Variants in RSBN1L observed in about 807,000 individuals in gnomAD.
RSBN1L encodes the protein round spermatid basic protein 1 like, also known as lysine-specific demethylase RSBN1L.
A neutral mutation model predicts 67.7 loss-of-function variants in RSBN1L; 30 were observed. That is an observed-to-expected ratio of 0.44 (90% confidence interval 0.33 to 0.60). RSBN1L has a LOEUF of 0.60. RSBN1L is among the 20% of genes least tolerant of loss of function. The pLI, the probability that RSBN1L is intolerant of heterozygous loss-of-function variation, is 0.02. For synonymous variants in RSBN1L, 433 were observed against 387.0 expected, an observed-to-expected ratio of 1.12 and a Z score of -1.39; for missense variants, 992 against 1,031.7, an observed-to-expected ratio of 0.96 and a Z score of 0.53.
chr7:77,739,595 C>T (rs1238999760), intron 2 of RSBN1L, among the ~76,000 whole-genome samples: 2 of 149,422 alleles, frequency 1.3e-5, no homozygotes, highest in Non-Finnish European at 3.0e-5. Flanking sequence ...CGTCTGTAAT[C>T]CCAGCTACTC....
At position 77,765,619 on chromosome 7, in the gene RSBN1L, C is replaced by A; in HGVS notation, c.1469C>A (p.Ser490Ter). ...FPEFLDMLEE[S>*]PFLKCTLPWG... Reference sequence around the variant, plus strand: ...GAGTTCCTTGACATGTTGGAAGAGTCACCATTTTTAAAAGTAAGAGACAAT... The same window carrying A: ...GAGTTCCTTGACATGTTGGAAGAGTAACCATTTTTAAAAGTAAGAGACAAT... The change falls in exon 4 of 8, where the codon TCA (serine) becomes TAA (stop). Residue 490 changes from serine (S) to a stop codon, truncating the protein, a stop_gained. Coordinates refer to ENST00000334955, the MANE Select transcript of RSBN1L (RefSeq NM_198467.3). LOFTEE classifies it high-confidence loss of function. 1 of 1,593,316 alleles carries A rather than the reference C, an allele frequency of 6.3e-7. No individual in the cohort carries two copies. The highest frequency in any genetic ancestry group is 8.6e-7 in the Non-Finnish European group (1 of 1,169,408).
intron 1 of RSBN1L, among the ~76,000 whole-genome samples, chr7:77,724,453 T>C (rs1242963918): frequency 6.7e-6 from 1 of 148,874 alleles, no homozygotes; most frequent in Non-Finnish European, 1.5e-5. Context: ...TTTTTGAGAG[T>C]CTCACTCTGT....
chr7:77,729,980 C>CT (rs1454234310), intron 1 of RSBN1L, among the ~76,000 whole-genome samples: 2 of 152,034 alleles, frequency 1.3e-5, no homozygotes, highest in African/African-American at 4.8e-5. Flanking sequence ...TAATGAGTTT[C>CT]TTTTTTATAT....
chr7:77,777,664 AG>A (rs1175299277), intron 6 of RSBN1L, among the ~76,000 whole-genome samples: 1 of 151,798 alleles, frequency 6.6e-6, no homozygotes, highest in Non-Finnish European at 1.5e-5. Flanking sequence ...ACTGGTTTTT[AG>A]AAATTTAGTT....
intron 1 of RSBN1L, among the ~76,000 whole-genome samples, chr7:77,709,777 C>G (rs1790948615): frequency 6.6e-6 from 1 of 152,102 alleles, no homozygotes; most frequent in Non-Finnish European, 1.5e-5. Context: ...TTGCTAATTG[C>G]CCTGGTATTT....
intron 1 of RSBN1L, among the ~76,000 whole-genome samples, chr7:77,709,234 G>C (rs533705881): frequency 6.6e-6 from 1 of 151,970 alleles, no homozygotes; most frequent in African/African-American, 2.4e-5. Flanking sequence ...GCCTGCCTGT[G>C]TGGAGGGGAC....
intron 1 of RSBN1L, among the ~76,000 whole-genome samples, chr7:77,713,865 A>T (rs1791010025): frequency 6.6e-6 from 1 of 152,150 alleles, no homozygotes; most frequent in South Asian, 2.1e-4. Context: ...ATATTTTCTT[A>T]AATAGCCTAT....
intron 2 of RSBN1L, among the ~76,000 whole-genome samples, chr7:77,743,147 A>G (rs1461630588): frequency 1.3e-5 from 2 of 151,856 alleles, no homozygotes; most frequent in Non-Finnish European, 2.9e-5. Flanking sequence ...TTACCTCCCC[A>G]GGCTCAGGTG....
At chr7:77,697,183 C>T (rs369523147) in intron 1 of RSBN1L, 128 bp downstream of exon 1, 6 of 1,053,454 alleles carry the variant, frequency 5.7e-6, no homozygotes, top group African/African-American at 3.3e-5. Flanking sequence ...GGGAGGCGTC[C>T]GGTTTTCAGC....
intron 1 of RSBN1L, among the ~76,000 whole-genome samples, chr7:77,700,653 A>G (rs1370604879): frequency 6.6e-6 from 1 of 152,288 alleles, no homozygotes; most frequent in East Asian, 1.9e-4. Context: ...ATATGACTAA[A>G]TATTTGTCTC....
intron 2 of RSBN1L, among the ~76,000 whole-genome samples, chr7:77,740,948 TG>T (rs1272922895): frequency 6.6e-6 from 1 of 151,736 alleles, no homozygotes; most frequent in Non-Finnish European, 1.5e-5. Context: ...TATGTGGCTT[TG>T]GGGAGGGTCT....
At position 77,773,251 on chromosome 7, in the gene RSBN1L, A is replaced by T. The variant is rs756163760; in HGVS notation, c.1730A>T (p.Gln577Leu). ...AGAGCTCATGCAGATCATATAGGAC[A>T]AGGTTTTGAACGACAGACTACAGCT... Reference protein sequence around the residue: ...RTRAHADHIGQGFERQTTAAV... With the variant: ...RTRAHADHIGLGFERQTTAAV... Residue 577 changes from glutamine to leucine, a missense_variant, in exon 6 of 8, where the codon CAA becomes CTA. By Grantham distance (113) the Gln-to-Leu change is moderately radical. Transcript: ENST00000334955. 6.2e-7 allele frequency: 1 copy of T among 1,613,188 alleles called. No homozygotes were observed. Among genetic ancestry groups the T allele is most frequent in the Non-Finnish European group, 8.5e-7 (1 of 1,179,488 alleles).
In RSBN1L at chr7:77,754,377, G is replaced by C. The variant is rs151322298; in HGVS notation, c.1344+4313G>C. ...GCTATAGATAAGTTAGGGTAGAATC[G>C]ATGCCTTTACAACATTGAGTCTTCC... On this transcript the variant is annotated intron_variant, in intron 3 of 7. Coordinates refer to ENST00000334955, the MANE Select transcript of RSBN1L (RefSeq NM_198467.3). 7.2e-5 allele frequency among the ~76,000 whole-genome samples: 11 copies of C among 152,228 alleles called. No homozygotes were observed. The East Asian group carries it at 2.1e-3, about 29-fold the overall frequency.
intron 2 of RSBN1L, among the ~76,000 whole-genome samples, chr7:77,748,827 G>A (rs747885879): frequency 2.6e-5 from 4 of 152,086 alleles, no homozygotes; most frequent in Non-Finnish European, 4.4e-5. Flanking sequence ...CCTTATTTCT[G>A]TAAACTGTGA....
chr7:77,739,701 T>A (rs1304268759), intron 2 of RSBN1L, among the ~76,000 whole-genome samples: 1 of 119,820 alleles, frequency 8.3e-6, no homozygotes, highest in Non-Finnish European at 1.7e-5. Context: ...AGAGCAAGAC[T>A]TGGTCTCAGG....
chr7:77,718,251 T>C (rs908202602), intron 1 of RSBN1L, among the ~76,000 whole-genome samples: 7 of 152,146 alleles, frequency 4.6e-5, no homozygotes, highest in African/African-American at 1.7e-4. Flanking sequence ...ACATTATATA[T>C]TAAGCCTTTT....
intron 1 of RSBN1L, among the ~76,000 whole-genome samples, chr7:77,716,511 C>T (rs1157900290): frequency 2.8e-5 from 4 of 144,420 alleles, no homozygotes; most frequent in African/African-American, 1.0e-4. Flanking sequence ...TAAAGTTCTT[C>T]TACCCACTGT....
intron 6 of RSBN1L, among the ~76,000 whole-genome samples, chr7:77,777,040 G>A (rs1791927780): frequency 6.7e-6 from 1 of 150,336 alleles, no homozygotes; most frequent in Non-Finnish European, 1.5e-5. Context: ...TTGGTTAGTA[G>A]CTTGTAGCTC....
intron 1 of RSBN1L, among the ~76,000 whole-genome samples, chr7:77,732,284 G>A (rs1791281311): frequency 1.3e-5 from 2 of 152,124 alleles, no homozygotes; most frequent in African/African-American, 4.8e-5. Context: ...TGATGCCACG[G>A]CACTGTTTTC....
Sources: allele counts gnomAD v4.1 joint callset (sites outside exome capture counted in the v4.1 genomes callset), GRCh38; gene constraint gnomAD v4.1.1; transcripts MANE v1.5; gene names NCBI Gene and HGNC (gene_info 2026-07-23, HGNC 2026-07-21).